Variants in VPS35L observed in about 807,000 individuals in gnomAD.
The protein encoded by VPS35L is VPS35 endosomal protein sorting factor like.
VPS35L carries 83 observed loss-of-function variants against 133.0 expected under a neutral mutation model. The ratio of observed to expected loss-of-function variants is 0.62; its 90% CI spans 0.52 to 0.75. The LOEUF is 0.75. Among genes scored for constraint, VPS35L ranks in the 30% least tolerant of loss-of-function variants. The pLI, the probability that VPS35L is intolerant of heterozygous loss-of-function variation, is 0.00. For synonymous variants in VPS35L, 423 were observed against 449.9 expected (o/e 0.94, Z 0.76); for missense variants, 1,083 against 1,206.8 (o/e 0.90, Z 1.52).
chr16:19,619,473 G>A (rs115621028), intron 14 of VPS35L, among the ~76,000 whole-genome samples: 145 of 152,244 alleles, frequency 9.5e-4, no homozygotes, highest in African/African-American at 3.4e-3. Context: ...CCGCTTCTGG[G>A]AAGGGTACCA....
In VPS35L at chr16:19,564,951, G is replaced by C. The variant is rs1476566284; in HGVS notation, c.117+1G>C. 7 of 1,588,218 alleles carry C rather than the reference G, an allele frequency of 4.4e-6. No homozygotes were observed. Among genetic ancestry groups the C allele is most frequent in the Non-Finnish European group, 6.0e-6 (7 of 1,157,190 alleles). Reference sequence around the variant, plus strand: ...CTATCACCCTCTGAAACCCATAACTGTAAGTTTTGTTAAGGGTCTTTCTGA... The same window carrying C: ...CTATCACCCTCTGAAACCCATAACTCTAAGTTTTGTTAAGGGTCTTTCTGA... On this transcript the variant is annotated splice_donor_variant, in intron 2 of 30. Transcript: ENST00000417362. LOFTEE classifies it high-confidence loss of function.
intron 14 of VPS35L, among the ~76,000 whole-genome samples, chr16:19,618,342 A>G (rs1555501055): frequency 6.6e-6 from 1 of 152,176 alleles, no homozygotes; most frequent in Non-Finnish European, 1.5e-5. Flanking sequence ...TAAACATTAT[A>G]AACACACACA....
chr16:19,642,052 A>G (rs1200806480), intron 21 of VPS35L, among the ~76,000 whole-genome samples: 1 of 152,140 alleles, frequency 6.6e-6, no homozygotes, highest in Admixed American at 6.5e-5. Context: ...TCTACCAAAA[A>G]TACAAAAATT....
chr16:19,624,308 C>T (rs1419398589), intron 14 of VPS35L, among the ~76,000 whole-genome samples: 2 of 151,650 alleles, frequency 1.3e-5, no homozygotes, highest in Non-Finnish European at 1.5e-5. Context: ...TATGACTGGG[C>T]GCGGTGGCTC....
chr16:19,615,753 G>A (rs1972866704), intron 12 of VPS35L, among the ~76,000 whole-genome samples: 1 of 151,808 alleles, frequency 6.6e-6, no homozygotes, highest in Non-Finnish European at 1.5e-5. Flanking sequence ...CAGATCATGA[G>A]GTCAGAAGAT....
At chr16:19,562,546 C>T (rs1206056926) in intron 1 of VPS35L, among the ~76,000 whole-genome samples, 3 of 152,028 alleles carry the variant, frequency 2.0e-5, no homozygotes, top group Non-Finnish European at 2.9e-5. Context: ...GTGGCCCTGA[C>T]GTTCTGTGAC....
chr16:19,590,515 T>C (rs1972011864), intron 7 of VPS35L, among the ~76,000 whole-genome samples: 2 of 152,200 alleles, frequency 1.3e-5, no homozygotes, highest in South Asian at 4.1e-4. Context: ...GCATTAAATT[T>C]AGTTCTTCAA....
intron 16 of VPS35L, among the ~76,000 whole-genome samples, 184 bp downstream of exon 16, chr16:19,627,989 A>G (rs558332717): frequency 1.3e-5 from 2 of 152,320 alleles, no homozygotes; most frequent in Admixed American, 6.5e-5. Flanking sequence ...TGTGATTGCT[A>G]TGCTTCAGGC....
At position 19,699,377 on chromosome 16, in the gene VPS35L, T is replaced by C; in HGVS notation, c.2647-125T>C. ...GTTCAGCAGCTTGCCCTACAGCAAA[T>C]ACATGGCAGAGCTGGCACTGGAACT... is the stretch of plus-strand genomic sequence containing the variant. On this transcript the variant is annotated intron_variant, in intron 29 of 30. Transcript: ENST00000417362. This position sits in a 1 kb window ranked among gnomAD's most constrained non-coding sequence, Gnocchi z 4.2. The C allele has an allele frequency of 2.1e-5, 26 of 1,234,946 alleles. No individual in the cohort carries two copies. The highest frequency in any genetic ancestry group is 2.4e-5 in the Non-Finnish European group (21 of 890,912). The allele number at this position is 1,234,946 out of a possible 1,614,324, so 76.5% of individuals were successfully genotyped here. A position where few individuals can be genotyped will look rare whatever the true frequency, so the allele number is the denominator to read the frequency against.
At chr16:19,623,765 AT>A (rs1194613781) in intron 14 of VPS35L, among the ~76,000 whole-genome samples, 128 of 126,134 alleles carry the variant, frequency 1.0e-3, no homozygotes, top group African/African-American at 3.5e-3. Flanking sequence ...TTACTTATTT[AT>A]TTATTATTAT....
intron 27 of VPS35L, among the ~76,000 whole-genome samples, chr16:19,676,898 C>T (rs899793244): frequency 2.0e-5 from 3 of 152,070 alleles, no homozygotes; most frequent in African/African-American, 7.2e-5. Context: ...GGCACTGGTC[C>T]ACCAAGAGGC....
At position 19,628,626 on chromosome 16, in the gene VPS35L, A is replaced by T. The variant is rs1973344592; in HGVS notation, c.1384-11A>T. On this transcript the variant is annotated splice_polypyrimidine_tract_variant and intron_variant, in intron 16 of 30. Transcript: ENST00000417362. ...AATTTCCATAACATGATGGTTTGAC[A>T]TGTTTCTTAGCATCTTCTTTTTCGA... 6.9e-7 allele frequency: 1 copy of T among 1,445,274 alleles called. No homozygotes were observed. Among genetic ancestry groups the T allele is most frequent in the Non-Finnish European group, 9.6e-7 (1 of 1,038,438 alleles). 89.5% of individuals were successfully genotyped at this position (1,445,274 alleles called of 1,614,324 possible).
chr16:19,558,932 A>G (rs1970942726), intron 1 of VPS35L, among the ~76,000 whole-genome samples: 1 of 151,944 alleles, frequency 6.6e-6, no homozygotes, highest in African/African-American at 2.4e-5. Context: ...CAAAAAAAAA[A>G]AAAAAACAAC....
chr16:19,689,083 G>A (rs2151624274), intron 28 of VPS35L, among the ~76,000 whole-genome samples: 1 of 150,386 alleles, frequency 6.6e-6, no homozygotes, highest in Non-Finnish European at 1.5e-5. Context: ...TCTGTCGCCA[G>A]GCTGGAGTGC....
rs141753565 is a variant in VPS35L, at chr16:19,618,449, G to A, written c.1224+1641G>A. Among the ~76,000 whole-genome samples, 506 of 152,268 alleles carry A rather than the reference G, an allele frequency of 3.3e-3. 2 individuals are homozygous for A. The highest frequency in any genetic ancestry group is 0.012 in the African/African-American group (491 of 41,546). The stretch of plus-strand genomic sequence containing the variant: ...TGTGCATTCAGTGGGGTGTTAATGG[G>A]GCCATTTAAAATGATGGAGACTCCC... On this transcript the variant is annotated intron_variant, in intron 14 of 30. Transcript: ENST00000417362.
chr16:19,651,685 A>C (rs147673415), intron 25 of VPS35L, among the ~76,000 whole-genome samples: 136 of 152,224 alleles, frequency 8.9e-4, no homozygotes, highest in South Asian at 3.9e-3. Context: ...ATTTTTAAGC[A>C]ATTGGTTTAA....
intron 12 of VPS35L, 136 bp downstream of exon 12, chr16:19,610,551 G>T: frequency 3.6e-6 from 2 of 549,454 alleles, no homozygotes; most frequent in Admixed American, 3.7e-5. Flanking sequence ...TTTAGATCAT[G>T]GCTCTGCCAC....
chr16:19,574,255 C>T (rs1315447975), intron 4 of VPS35L, among the ~76,000 whole-genome samples: 6 of 152,158 alleles, frequency 3.9e-5, no homozygotes, highest in Admixed American at 1.3e-4. Context: ...TCTTGCTCCT[C>T]GGCTGTGTTG....
intron 5 of VPS35L, among the ~76,000 whole-genome samples, chr16:19,576,913 G>A (rs577772349): frequency 4.3e-4 from 66 of 152,142 alleles, no homozygotes; most frequent in South Asian, 1.7e-3. Context: ...CACCATGTTG[G>A]CCAGGCTGGT....
Sources: allele counts gnomAD v4.1 joint callset (sites outside exome capture counted in the v4.1 genomes callset), GRCh38; gene constraint gnomAD v4.1.1; non-coding constraint Gnocchi (gnomAD v3.1); transcripts MANE v1.5; gene names NCBI Gene and HGNC (gene_info 2026-07-23, HGNC 2026-07-21).